The following NAV3 variants were observed in gnomAD, a reference collection of about 807,000 sequenced individuals.
The protein encoded by NAV3 is neuron navigator 3.
Under a neutral mutation model 244.7 loss-of-function variants are expected in NAV3, and 87 were observed. The ratio of observed to expected loss-of-function variants is 0.36; its 90% CI spans 0.30 to 0.42. The LOEUF (loss-of-function observed/expected upper bound fraction) is 0.42. NAV3 is among the 20% of genes least tolerant of loss of function. The pLI is 1.00. For synonymous variants in NAV3, 1,126 were observed against 1,042.2 expected (o/e 1.08, Z -1.55); for missense variants, 2,663 against 2,893.3 (o/e 0.92, Z 1.83).
intron 12 of NAV3, among the ~76,000 whole-genome samples, chr12:78,075,630 G>GC (rs1193452211): frequency 6.6e-6 from 1 of 152,168 alleles, no homozygotes; most frequent in East Asian, 1.9e-4. Context: ...TTAGTTTTAA[G>GC]TGAAAAGAGA....
At position 77,728,521 on chromosome 12, in the gene NAV3, A is replaced by C. The variant is rs561234728; in HGVS notation, c.72+156255A>C. Among the ~76,000 whole-genome samples the C allele has an allele frequency of 3.3e-5, 5 of 152,066 alleles. No homozygotes were observed. The East Asian group carries it at 9.7e-4, about 30-fold the overall frequency. On this transcript the variant is annotated intron_variant, in intron 2 of 8. Coordinates refer to the NAV3 transcript ENST00000550042. ...TTTAGTCCACTTCTTCATTTTCTAC[A>C]CTGAGGAAATGGACAAAATGATATA...
chr12:77,618,826 A>G (rs1417688081), intron 2 of NAV3, among the ~76,000 whole-genome samples: 1 of 152,222 alleles, frequency 6.6e-6, no homozygotes, highest in South Asian at 2.1e-4. Context: ...CTCATCGTCT[A>G]CAAATTAAGA....
chr12:78,177,021 C>G (rs1319118229), intron 26 of NAV3, 120 bp from the exon 27 acceptor site: 1 of 884,626 alleles, frequency 1.1e-6, no homozygotes, highest in Non-Finnish European at 1.8e-6. Flanking sequence ...ATTGTTAATA[C>G]TCTGCTTGTA....
At chr12:78,048,499 G>T (rs768156449) in intron 9 of NAV3, among the ~76,000 whole-genome samples, 1 of 152,150 alleles carries the variant, frequency 6.6e-6, no homozygotes, top group Non-Finnish European at 1.5e-5. Flanking sequence ...TCTGGAGTTT[G>T]CTGGAGGTTC....
rs909057382 is a variant in NAV3 at position 78,055,697 on chromosome 12, G to A, written c.2517-3299G>A. Among the ~76,000 whole-genome samples, 13 of 152,180 alleles carry A rather than the reference G, an allele frequency of 8.5e-5. No individual in the cohort carries two copies. In the South Asian group the frequency reaches 2.7e-3, roughly 31 times the overall value. ...GGCAAAAGAGGGGAAGACCCAGGGT[G>A]TGAGAAGATTTTGTATGTATCAGGC... On this transcript the variant is annotated intron_variant, in intron 11 of 39. Coordinates refer to ENST00000397909, the MANE Select transcript of NAV3 (RefSeq NM_001024383.2).
intron 22 of NAV3, among the ~76,000 whole-genome samples, chr12:78,155,254 A>G (rs910238649): frequency 6.6e-6 from 1 of 152,018 alleles, no homozygotes; most frequent in African/African-American, 2.4e-5. Flanking sequence ...ACTCCCACTT[A>G]TAAGTGAGAA....
Position 77,766,734 on chromosome 12 carries a change from A to ATTTTTTTTTT in NAV3, c.73-173585_73-173584insTTTTTTTTTT, listed in dbSNP as rs1565805085. Among the ~76,000 whole-genome samples, 12 of 53,426 alleles carry ATTTTTTTTTT rather than the reference A, an allele frequency of 2.2e-4. 1 individual carries two copies. Among genetic ancestry groups the ATTTTTTTTTT allele is most frequent in the African/African-American group, 6.2e-4 (12 of 19,456 alleles). The allele number at this position is 53,426 out of a possible 152,430, so 35.0% of individuals were successfully genotyped here. Reference sequence around the variant, plus strand: ...TAGGATTCTAAAAAACAGGCAATTAAGTTTTTTTTTTTTTTTTTTTTTTTT... The same window carrying ATTTTTTTTTT: ...TAGGATTCTAAAAAACAGGCAATTAATTTTTTTTTTGTTTTTTTTTTTTTTTTTTTTTTTT... On this transcript the variant is annotated intron_variant, in intron 2 of 8. Coordinates refer to the NAV3 transcript ENST00000550042.
At chr12:78,026,711 T>C (rs1878116313) in intron 9 of NAV3, among the ~76,000 whole-genome samples, 1 of 152,228 alleles carries the variant, frequency 6.6e-6, no homozygotes, top group South Asian at 2.1e-4. Flanking sequence ...TTTTAAAATA[T>C]ATCCAGAATT....
At chr12:78,130,537 T>C in intron 18 of NAV3, 1 of 199,852 alleles carries the variant, frequency 5.0e-6, no homozygotes, top group Non-Finnish European at 1.1e-5. Flanking sequence ...GAGGTAGTTG[T>C]ACCACACTCC....
At chr12:77,799,389 T>C (rs1871587906) in intron 2 of NAV3, among the ~76,000 whole-genome samples, 1 of 152,384 alleles carries the variant, frequency 6.6e-6, no homozygotes, top group East Asian at 1.9e-4. Flanking sequence ...TAATGGTACC[T>C]GATTTTAAAG....
At chr12:78,074,910 CTG>C (rs1322643470) in intron 12 of NAV3, among the ~76,000 whole-genome samples, 2 of 152,170 alleles carry the variant, frequency 1.3e-5, no homozygotes, top group African/African-American at 4.8e-5. Context: ...TAGTAGATAA[CTG>C]TCTCTTTTCT....
rs1040375414 is a variant in NAV3 at position 77,845,133 on chromosome 12, G to GTA, written c.243+13441_243+13442dup. Among the ~76,000 whole-genome samples the GTA allele has an allele frequency of 3.5e-3, 535 of 151,478 alleles. 5 individuals are homozygous for GTA. The highest frequency in any genetic ancestry group is 0.011 in the African/African-American group (438 of 41,336). ...GTTTTGTATAAATATGTATATGTGT[G>GTA]TATATATATATATGATATTCAATAG... On this transcript the variant is annotated intron_variant, in intron 1 of 39. Transcript: ENST00000397909.
intron 2 of NAV3, among the ~76,000 whole-genome samples, chr12:77,746,493 A>G (rs1329434480): frequency 5.3e-5 from 8 of 152,164 alleles, no homozygotes; most frequent in Admixed American, 3.9e-4. Flanking sequence ...ATGTGTGCAT[A>G]TATGTATGTG....
chr12:78,162,873 T>TATATATATA (rs1192767894), intron 23 of NAV3, among the ~76,000 whole-genome samples: 22 of 122,358 alleles, frequency 1.8e-4, no homozygotes, highest in South Asian at 7.6e-4. Context: ...AAAAAAAATA[T>TATATATATA]ATATATATAA....
At chr12:78,095,136 C>T (rs367865613) in intron 12 of NAV3, among the ~76,000 whole-genome samples, 11 of 149,052 alleles carry the variant, frequency 7.4e-5, no homozygotes, top group South Asian at 4.2e-4. Context: ...TATATACATA[C>T]GTATGTATAT....
intron 2 of NAV3, among the ~76,000 whole-genome samples, chr12:77,721,772 T>C (rs1876643258): frequency 6.6e-6 from 1 of 152,136 alleles, no homozygotes; most frequent in Non-Finnish European, 1.5e-5. Flanking sequence ...ACATGGCACA[T>C]TTTCCCAAGG....
intron 22 of NAV3, among the ~76,000 whole-genome samples, chr12:78,150,508 G>GT (rs1055885673): frequency 2.6e-4 from 17 of 64,556 alleles, no homozygotes; most frequent in Admixed American, 1.6e-3. Context: ...TTTTGTTTTT[G>GT]TTTTTTTTTC....
chr12:78,174,445 AG>A (rs1428895980), intron 24 of NAV3, among the ~76,000 whole-genome samples: 11 of 151,796 alleles, frequency 7.2e-5, no homozygotes, highest in Non-Finnish European at 1.6e-4. Flanking sequence ...CCTAAGGCTG[AG>A]ACTGGCTCCA....
intron 2 of NAV3, among the ~76,000 whole-genome samples, chr12:77,594,577 G>T (rs935317720): frequency 1.3e-5 from 2 of 152,162 alleles, no homozygotes; most frequent in African/African-American, 2.4e-5. Context: ...CCAGATTAGG[G>T]TTCTCTGGGC....
Sources: allele counts gnomAD v4.1 joint callset (sites outside exome capture counted in the v4.1 genomes callset), GRCh38; gene constraint gnomAD v4.1.1; transcripts MANE v1.5; gene names NCBI Gene and HGNC (gene_info 2026-07-23, HGNC 2026-07-21).